Variants in DHX15 observed in about 807,000 individuals in gnomAD.
DHX15 encodes ATP-dependent RNA helicase DHX15.
In DHX15, 11 loss-of-function variants were observed where a neutral mutation model predicts 94.4. The observed-to-expected ratio is 0.12, with a 90% CI of 0.07 to 0.19. DHX15 has a LOEUF of 0.19. Ranked by LOEUF, DHX15 falls within the 10% of genes least tolerant of loss-of-function variation. The probability of loss-of-function intolerance (pLI) is 1.00; values close to 1 mark genes in which losing one functional copy is unlikely to be tolerated. For synonymous variants in DHX15, 338 were observed against 329.9 expected, an observed-to-expected ratio of 1.02 and a Z score of -0.27; for missense variants, 304 against 988.5, an observed-to-expected ratio of 0.31 and a Z score of 9.29.
chr4:24,543,080 G>T, intron 6 of DHX15, 54 bp from the exon 7 acceptor site: 12 of 1,253,442 alleles, frequency 9.6e-6, no homozygotes, highest in South Asian at 1.4e-5. Flanking sequence ...AAATTAACAG[G>T]ACTGTTAAAG....
At chr4:24,574,621 T>C (rs76824223) in intron 2 of DHX15, among the ~76,000 whole-genome samples, 8,172 of 152,230 alleles carry the variant, frequency 0.054, 335 homozygotes, top group African/African-American at 0.11. Context: ...GTTTTAAATA[T>C]TGAGCCCACC....
chr4:24,530,552 G>C (rs902712638), intron 12 of DHX15: 3 of 151,608 alleles, frequency 2.0e-5, no homozygotes, highest in African/African-American at 7.3e-5. Context: ...ACTCCAGCCT[G>C]GGCGACAGAC....
At chr4:24,584,054 G>A (rs1224340727) in intron 1 of DHX15, 4 of 501,198 alleles carry the variant, frequency 8.0e-6, no homozygotes, top group Non-Finnish European at 1.4e-5. Context: ...GCTCGGTTCG[G>A]CCTGGGGGAG....
intron 6 of DHX15, among the ~76,000 whole-genome samples, 133 bp downstream of exon 6, chr4:24,548,702 AAGAGATATGCGGAACCCTAC>A (rs1721516991): frequency 6.6e-6 from 1 of 152,246 alleles, no homozygotes; most frequent in South Asian, 2.1e-4. Flanking sequence ...CTTTAGGGTC[AAGAGATATGCGGAACCCTAC>A]AAATGGATAT....
chr4:24,552,956 T>C (rs1166031824), intron 5 of DHX15, among the ~76,000 whole-genome samples: 2 of 152,234 alleles, frequency 1.3e-5, no homozygotes, highest in African/African-American at 4.8e-5. Flanking sequence ...ATGAGGCCAT[T>C]TGATATTTCT....
At chr4:24,564,713 T>C (rs1721957074) in intron 3 of DHX15, among the ~76,000 whole-genome samples, 1 of 152,194 alleles carries the variant, frequency 6.6e-6, no homozygotes. Flanking sequence ...TTACACAACA[T>C]GAGCAACACT....
rs554708083 is a variant in DHX15, at chr4:24,545,089, C to A, written c.1249-2063G>T. On this transcript the variant is annotated intron_variant, in intron 6 of 13. Coordinates refer to ENST00000336812, the MANE Select transcript of DHX15 (RefSeq NM_001358.3). ...TCATGGCACAGAACTCCACCCTAGG[C>A]AACAGACTGAGACCCTATCTCAAAT... 2.9e-4 allele frequency among the ~76,000 whole-genome samples: 44 copies of A among 152,254 alleles called. 2 individuals are homozygous for A. In the South Asian group the frequency reaches 8.5e-3, roughly 29 times the overall value.
chr4:24,529,779 A>G lies in DHX15; in HGVS notation c.2101-9T>C. 1 of 1,613,906 alleles carries G rather than the reference A, an allele frequency of 6.2e-7. No homozygotes were observed. On this transcript the variant is annotated splice_polypyrimidine_tract_variant and intron_variant, in intron 12 of 13. Coordinates refer to ENST00000336812, the MANE Select transcript of DHX15 (RefSeq NM_001358.3). ...CGTTCTAAATGTGCCACCTGAAACC[A>G]AAACCCAGTATATTATTAATACAAT...
intron 2 of DHX15, among the ~76,000 whole-genome samples, chr4:24,575,668 T>G (rs560745792): frequency 3.9e-5 from 6 of 152,272 alleles, no homozygotes; most frequent in South Asian, 2.1e-4. Flanking sequence ...ACAGAAACAC[T>G]TGACCCATGC....
intron 12 of DHX15, among the ~76,000 whole-genome samples, 153 bp downstream of exon 12, chr4:24,532,711 T>TATACTCA (rs1721109763): frequency 6.6e-6 from 1 of 152,238 alleles, no homozygotes; most frequent in African/African-American, 2.4e-5. Flanking sequence ...AGTATATTAA[T>TATACTCA]TCACTCAAAG....
At chr4:24,556,221 T>C (rs750190179) in intron 4 of DHX15, 30 bp downstream of exon 4, 4 of 1,602,702 alleles carry the variant, frequency 2.5e-6, no homozygotes, top group Non-Finnish European at 2.6e-6. Context: ...CACACATATA[T>C]AGTTAAATGG....
intron 12 of DHX15, 129 bp from the exon 13 acceptor site, chr4:24,529,899 T>C: frequency 1.1e-6 from 1 of 938,196 alleles, no homozygotes; most frequent in Admixed American, 2.3e-5. Context: ...TATTTATCAC[T>C]GTCTGATAAA....
chr4:24,534,414 A>C (rs1233120124), intron 11 of DHX15, among the ~76,000 whole-genome samples: 1 of 152,206 alleles, frequency 6.6e-6, no homozygotes, highest in African/African-American at 2.4e-5. Context: ...AGATGGAAAA[A>C]TTGCAAATCT....
At chr4:24,528,232 G>A (rs368848434) in intron 13 of DHX15, among the ~76,000 whole-genome samples, 191 bp from the exon 14 acceptor site, 2 of 152,230 alleles carry the variant, frequency 1.3e-5, no homozygotes. Flanking sequence ...ATTTTATTTA[G>A]TAAGATGTGA....
At position 24,537,193 on chromosome 4, in the gene DHX15, G is replaced by A. The variant is rs2109394025; in HGVS notation, c.1787-20C>T. 1 of 1,613,286 alleles carries A rather than the reference G, an allele frequency of 6.2e-7. No individual in the cohort carries two copies. Among genetic ancestry groups the A allele is most frequent in the South Asian group, 1.1e-5 (1 of 91,010 alleles). ...GTGGGACTAAACAAGGTTGGTATGG[G>A]CCCAACACAAACGCCCATATCGATG... is the stretch of plus-strand genomic sequence containing the variant. On this transcript the variant is annotated intron_variant, in intron 10 of 13. Coordinates refer to ENST00000336812, the MANE Select transcript of DHX15 (RefSeq NM_001358.3). This position sits in a 1 kb window ranked among gnomAD's most constrained non-coding sequence, Gnocchi z 4.7.
Position 24,547,980 on chromosome 4 carries a change from A to G in DHX15, c.1248+875T>C, listed in dbSNP as rs191212666. The stretch of plus-strand genomic sequence containing the variant: ...CTATATCTATCTGCTGATGGGGACT[A>G]TATATCTGCTGATGGGGAATCAAAG... On this transcript the variant is annotated intron_variant, in intron 6 of 13. Transcript: ENST00000336812. 8.9e-4 allele frequency among the ~76,000 whole-genome samples: 126 copies of G among 141,502 alleles called. No individual in the cohort carries two copies. In the Middle Eastern group the frequency reaches 0.019, roughly 21 times the overall value. 92.8% of individuals were successfully genotyped at this position (141,502 alleles called of 152,430 possible). A position where few individuals can be genotyped will look rare whatever the true frequency, so the allele number is the denominator to read the frequency against.
At chr4:24,581,701 T>C (rs1369893240) in intron 1 of DHX15, among the ~76,000 whole-genome samples, 1 of 152,122 alleles carries the variant, frequency 6.6e-6, no homozygotes, top group East Asian at 1.9e-4. Flanking sequence ...AAAACTCTTA[T>C]CAGGTGGTAA....
At chr4:24,540,505 T>C (rs1721286339) in intron 9 of DHX15, among the ~76,000 whole-genome samples, 3 of 152,112 alleles carry the variant, frequency 2.0e-5, no homozygotes, top group Admixed American at 2.0e-4. Context: ...AACTGTCTTC[T>C]TCCGAAATAC....
chr4:24,541,505 AAGTT>A (rs771546576), intron 8 of DHX15, among the ~76,000 whole-genome samples: 11 of 152,118 alleles, frequency 7.2e-5, no homozygotes, highest in Non-Finnish European at 1.6e-4. Context: ...GAAACGCTGA[AAGTT>A]AGTAAGGAAA....
Sources: allele counts gnomAD v4.1 joint callset (sites outside exome capture counted in the v4.1 genomes callset), GRCh38; gene constraint gnomAD v4.1.1; non-coding constraint Gnocchi (gnomAD v3.1); transcripts MANE v1.5; gene names NCBI Gene and HGNC (gene_info 2026-07-23, HGNC 2026-07-21).